Variants in AFF1 observed in about 807,000 individuals in gnomAD.
AFF1 encodes the protein AF4/FMR2 family member 1.
In AFF1, 48 loss-of-function variants were observed where a neutral mutation model predicts 121.7. The observed-to-expected ratio is 0.39, with a 90% confidence interval of 0.31 to 0.50. The LOEUF is 0.50. Ranked by LOEUF, AFF1 falls within the 20% of genes least tolerant of loss-of-function variation. The pLI is 0.76. For synonymous variants in AFF1, 613 were observed against 563.0 expected (o/e 1.09, Z -1.26); for missense variants, 1,523 against 1,511.7 (o/e 1.01, Z -0.12).
At chr4:86,941,302 T>C (rs1419145982) in intron 1 of AFF1, among the ~76,000 whole-genome samples, 2 of 152,028 alleles carry the variant, frequency 1.3e-5, no homozygotes, top group Non-Finnish European at 2.9e-5. Flanking sequence ...CATGAGCTCA[T>C]GAGTTTGAGA....
chr4:86,948,517 T>G lies in AFF1; in HGVS notation c.-17T>G, dbSNP rs538276440. ...TTTCAGATGAACAGACTAGCCACTT[T>G]GCATTGACTGGAAACAATGGCATTT... On this transcript the variant is annotated 5_prime_UTR_variant, in exon 2 of 21. Coordinates refer to ENST00000395146, the MANE Select transcript of AFF1 (RefSeq NM_001166693.3). 3.9e-6 allele frequency: 6 copies of G among 1,536,608 alleles called. No homozygotes were observed. Among genetic ancestry groups the G allele is most frequent in the Non-Finnish European group, 5.2e-6 (6 of 1,146,536 alleles).
rs1723148325 is a variant in AFF1, at chr4:86,974,369, C to T, written c.38+25798C>T. 1.3e-5 allele frequency among the ~76,000 whole-genome samples: 2 copies of T among 152,146 alleles called. 1 individual carries two copies. The highest frequency in any genetic ancestry group is 4.8e-5 in the African/African-American group (2 of 41,426). ...TTTACCATGTTGGCCAGATTGGACT[C>T]TAACTCCTGACCTCAGGATGCGCCT... On this transcript the variant is annotated intron_variant, in intron 2 of 20. Coordinates refer to ENST00000395146, the MANE Select transcript of AFF1 (RefSeq NM_001166693.3).
chr4:87,035,694 G>A (rs1318462638), intron 2 of AFF1, among the ~76,000 whole-genome samples: 1 of 152,152 alleles, frequency 6.6e-6, no homozygotes, highest in Non-Finnish European at 1.5e-5. Context: ...TGTGGAGATG[G>A]ACAACCCAGA....
chr4:87,046,145 CT>C lies in AFF1; in HGVS notation c.39-17del, dbSNP rs369012113. 1.6e-3 allele frequency: 2,525 copies of C among 1,606,684 alleles called. 38 individuals are homozygous for C. In the African/African-American group the frequency reaches 0.03, roughly 19 times the overall value. On this transcript the variant is annotated intron_variant, in intron 2 of 20. Transcript: ENST00000395146. ...ACTGATAAATTTTATTGTTTTCATT[CT>C]TTTGTGGCATCTGAAACAGTTTGTA...
intron 8 of AFF1, among the ~76,000 whole-genome samples, chr4:87,099,877 A>G (rs893325596): frequency 2.0e-5 from 3 of 152,236 alleles, no homozygotes; most frequent in Admixed American, 6.5e-5. Context: ...CAGGGAAAAG[A>G]GGGGTCCAGA....
At chr4:87,080,418 A>T (rs1391619847) in intron 4 of AFF1, among the ~76,000 whole-genome samples, 1 of 152,216 alleles carries the variant, frequency 6.6e-6, no homozygotes, top group African/African-American at 2.4e-5. Flanking sequence ...TGTGGCTTAG[A>T]GAGAGCTGGC....
intron 2 of AFF1, among the ~76,000 whole-genome samples, chr4:86,975,104 T>C (rs1013308925): frequency 6.6e-6 from 1 of 152,146 alleles, no homozygotes; most frequent in Non-Finnish European, 1.5e-5. Flanking sequence ...TTCTCTCTTG[T>C]GCACCCTATA....
intron 5 of AFF1, 125 bp downstream of exon 5, chr4:87,084,289 A>G: frequency 2.9e-6 from 3 of 1,043,536 alleles, no homozygotes; most frequent in African/African-American, 3.1e-5. Flanking sequence ...CTGTAATCCT[A>G]GCACTTTGGG....
intron 4 of AFF1, among the ~76,000 whole-genome samples, chr4:87,071,911 TGAAAAG>T (rs1722098352): frequency 6.6e-6 from 1 of 152,108 alleles, no homozygotes; most frequent in Non-Finnish European, 1.5e-5. Context: ...CTCAAAACAC[TGAAAAG>T]ATTGGAGTTT....
intron 2 of AFF1, among the ~76,000 whole-genome samples, chr4:86,978,398 G>C (rs1034456917): frequency 6.6e-6 from 1 of 151,486 alleles, no homozygotes; most frequent in Non-Finnish European, 1.5e-5. Flanking sequence ...TGGTCAGGCT[G>C]GTCTTGAACT....
intron 4 of AFF1, among the ~76,000 whole-genome samples, chr4:87,072,052 A>T (rs1029525089): frequency 5.9e-5 from 9 of 152,162 alleles, no homozygotes; most frequent in Admixed American, 5.2e-4. Context: ...AGAGAAAATA[A>T]TATGAATGCT....
rs138303532 is a variant in AFF1, at chr4:87,125,122, A to T, written c.2552A>T (p.His851Leu). The change falls in exon 13 of 21, where the codon CAC (histidine) becomes CTC (leucine). Residue 851 changes from histidine (H) to leucine (L), a missense_variant. Transcript: ENST00000395146. ...KSQSSSSSSSHKESSKTKPSR... is the reference protein window; with the variant it reads ...KSQSSSSSSSLKESSKTKPSR... ...CAGTCATCTTCATCTTCATCCTCCC[A>T]CAAAGAATCTTCTAAAACAAAGTGA... 25 of 1,610,264 alleles carry T rather than the reference A, an allele frequency of 1.6e-5. No individual in the cohort carries two copies. Among genetic ancestry groups the T allele is most frequent in the Middle Eastern group, 3.3e-4 (2 of 6,058 alleles).
intron 4 of AFF1, among the ~76,000 whole-genome samples, chr4:87,063,256 T>TTTTTTTTTTTGA (rs869168821): frequency 2.2e-5 from 3 of 134,552 alleles, no homozygotes; most frequent in Admixed American, 7.5e-5. Flanking sequence ...TTTTTTTTTT[T>TTTTTTTTTTTGA]GAGACAGAGT....
In AFF1 at chr4:87,081,494, A is replaced by G. The variant is rs548371389; in HGVS notation, c.1060-2626A>G. Among the ~76,000 whole-genome samples the G allele has an allele frequency of 9.2e-5, 14 of 152,246 alleles. No homozygotes were observed. In the East Asian group the frequency reaches 2.5e-3, roughly 27 times the overall value. ...ATGATTTTTAAAGAAAAAAGTATGTATGTTGAACATCTTTCCATGCAAACA... is the reference window on the plus strand; with the variant it reads ...ATGATTTTTAAAGAAAAAAGTATGTGTGTTGAACATCTTTCCATGCAAACA... On this transcript the variant is annotated intron_variant, in intron 4 of 20. Coordinates refer to ENST00000395146, the MANE Select transcript of AFF1 (RefSeq NM_001166693.3).
chr4:87,083,072 A>G (rs1723330593), intron 4 of AFF1, among the ~76,000 whole-genome samples: 1 of 152,218 alleles, frequency 6.6e-6, no homozygotes, highest in Non-Finnish European at 1.5e-5. Flanking sequence ...ATTGACACAG[A>G]GCAAGTTGCT....
At chr4:86,950,667 T>C (rs1721241881) in intron 2 of AFF1, among the ~76,000 whole-genome samples, 1 of 152,178 alleles carries the variant, frequency 6.6e-6, no homozygotes, top group African/African-American at 2.4e-5. Flanking sequence ...AGGAAATTAT[T>C]CAATTCCTGG....
At chr4:87,032,351 G>T (rs1729160782) in intron 2 of AFF1, among the ~76,000 whole-genome samples, 1 of 152,188 alleles carries the variant, frequency 6.6e-6, no homozygotes. Context: ...AAATGAAACT[G>T]CCTCTAGTTT....
At chr4:87,078,089 A>T (rs1474511585) in intron 4 of AFF1, among the ~76,000 whole-genome samples, 1 of 152,162 alleles carries the variant, frequency 6.6e-6, no homozygotes, top group Non-Finnish European at 1.5e-5. Context: ...CAATCATGGG[A>T]TTTGAGTGCC....
chr4:87,051,920 GT>G (rs1236202238), intron 4 of AFF1, among the ~76,000 whole-genome samples: 3 of 152,140 alleles, frequency 2.0e-5, no homozygotes, highest in Non-Finnish European at 4.4e-5. Flanking sequence ...AATCATAGGC[GT>G]TGATAAGAGT....
Sources: gnomAD v4.1 joint callset for allele counts (sites outside exome capture counted in the v4.1 genomes callset) on GRCh38, gnomAD v4.1.1 for gene constraint, MANE v1.5 for transcripts, NCBI Gene and HGNC (gene_info 2026-07-23, HGNC 2026-07-21) for gene names.